KIFAP3: variants seen among roughly 807,000 people sequenced by gnomAD.
The protein encoded by KIFAP3 is kinesin-associated protein 3.
In KIFAP3, 68 loss-of-function variants were observed where a neutral mutation model predicts 106.5. That is an observed-to-expected ratio of 0.64 (90% CI 0.53 to 0.78). The LOEUF is 0.78. KIFAP3 is among the 30% of genes least tolerant of loss of function. The probability of loss-of-function intolerance (pLI) is 0.00; values close to 1 mark genes in which losing one functional copy is unlikely to be tolerated. For synonymous variants in KIFAP3, 320 were observed against 311.5 expected (o/e 1.03, Z -0.29); for missense variants, 780 against 941.8 (o/e 0.83, Z 2.25).
chr1:169,987,435 C>T (rs1376908637), intron 11 of KIFAP3, among the ~76,000 whole-genome samples: 1 of 152,014 alleles, frequency 6.6e-6, no homozygotes, highest in Admixed American at 6.6e-5. Flanking sequence ...ACCCCCACAG[C>T]TCTCTGTATT....
chr1:170,037,065 T>C (rs1192006377), intron 5 of KIFAP3, among the ~76,000 whole-genome samples: 3 of 152,140 alleles, frequency 2.0e-5, no homozygotes, highest in Admixed American at 6.5e-5. Flanking sequence ...TATTCTAAAG[T>C]TCAAATCAAA....
intron 11 of KIFAP3, among the ~76,000 whole-genome samples, chr1:169,986,834 T>C (rs1190683292): frequency 1.3e-5 from 2 of 152,046 alleles, no homozygotes; most frequent in African/African-American, 4.8e-5. Flanking sequence ...GTATGAAAAT[T>C]AGCCTTAAAC....
chr1:169,950,547 A>G (rs1266675582), intron 19 of KIFAP3, among the ~76,000 whole-genome samples: 1 of 152,100 alleles, frequency 6.6e-6, no homozygotes, highest in Non-Finnish European at 1.5e-5. Context: ...TCTTTTTAAG[A>G]TATTTAGAGA....
At chr1:170,027,770 T>A (rs183727282) in intron 8 of KIFAP3, among the ~76,000 whole-genome samples, 1 of 152,048 alleles carries the variant, frequency 6.6e-6, no homozygotes, top group Non-Finnish European at 1.5e-5. Context: ...TTTCCAAATT[T>A]AGTGAAAATT....
chr1:170,007,202 T>G (rs1668009578), intron 10 of KIFAP3, among the ~76,000 whole-genome samples: 1 of 150,312 alleles, frequency 6.7e-6, no homozygotes, highest in East Asian at 2.0e-4. Flanking sequence ...GTGTGGGAGG[T>G]GAAGGGTGGG....
chr1:170,069,212 A>C (rs1253083921), intron 1 of KIFAP3, among the ~76,000 whole-genome samples: 1 of 152,180 alleles, frequency 6.6e-6, no homozygotes, highest in Non-Finnish European at 1.5e-5. Flanking sequence ...AGGTGATTGA[A>C]TCAGTAATCA....
intron 19 of KIFAP3, among the ~76,000 whole-genome samples, chr1:169,932,784 T>A (rs923362052): frequency 1.3e-5 from 2 of 151,836 alleles, no homozygotes; most frequent in Non-Finnish European, 2.9e-5. Context: ...GGGAACATTT[T>A]GGAATAGTTT....
intron 10 of KIFAP3, among the ~76,000 whole-genome samples, chr1:170,000,319 T>C (rs1227997012): frequency 6.6e-6 from 1 of 152,146 alleles, no homozygotes; most frequent in African/African-American, 2.4e-5. Context: ...CTCCCTTTGA[T>C]GTCACAGAGG....
intron 17 of KIFAP3, among the ~76,000 whole-genome samples, chr1:169,966,194 TC>T (rs1665606224): frequency 6.6e-6 from 1 of 151,816 alleles, no homozygotes; most frequent in African/African-American, 2.4e-5. Flanking sequence ...GTTTACAGGA[TC>T]ACAGTAAAAA....
chr1:169,978,780 T>C lies in KIFAP3; in HGVS notation c.1799-597A>G, dbSNP rs553893246. Among the ~76,000 whole-genome samples, 142 of 152,228 alleles carry C rather than the reference T, an allele frequency of 9.3e-4. 1 individual carries two copies. The highest frequency in any genetic ancestry group is 1.7e-3 in the Non-Finnish European group (118 of 67,968). On this transcript the variant is annotated intron_variant, in intron 15 of 19. Transcript: ENST00000361580. ...AATTAGATTTAATAGTATAGTTTGC[T>C]ATCAACTCTTGGTAAAAGTTCAATG...
At chr1:169,924,803 T>C (rs186034987) in intron 19 of KIFAP3, among the ~76,000 whole-genome samples, 154 of 152,316 alleles carry the variant, frequency 1.0e-3, no homozygotes, top group African/African-American at 3.2e-3. Context: ...CAGAAGCAGA[T>C]AGATTCTTCA....
chr1:169,944,405 G>A (rs1279300369), intron 19 of KIFAP3, among the ~76,000 whole-genome samples: 1 of 152,204 alleles, frequency 6.6e-6, no homozygotes, highest in Non-Finnish European at 1.5e-5. Context: ...GAGAAACTGG[G>A]AACCGCAGAG....
At chr1:170,004,063 A>G (rs1453270999) in intron 10 of KIFAP3, among the ~76,000 whole-genome samples, 2 of 152,270 alleles carry the variant, frequency 1.3e-5, no homozygotes, top group East Asian at 1.9e-4. Flanking sequence ...TTATACACCA[A>G]TAACAGACAG....
intron 15 of KIFAP3, among the ~76,000 whole-genome samples, chr1:169,980,083 T>C (rs1666435646): frequency 6.6e-6 from 1 of 152,078 alleles, no homozygotes; most frequent in South Asian, 2.1e-4. Flanking sequence ...AAACTATCTT[T>C]TGTTCAAACT....
chr1:169,998,381 GATAT>G (rs67634163), intron 10 of KIFAP3, among the ~76,000 whole-genome samples: 46,876 of 136,220 alleles, frequency 0.34, 8,576 homozygotes, highest in Non-Finnish European at 0.41. Context: ...TGCTTCACCA[GATAT>G]ATATATATAT....
chr1:170,040,769 T>C (rs557494247), intron 3 of KIFAP3, among the ~76,000 whole-genome samples: 1 of 152,232 alleles, frequency 6.6e-6, no homozygotes, highest in Admixed American at 6.5e-5. Flanking sequence ...CTTATCTACG[T>C]AGTACTTAAC....
intron 16 of KIFAP3, 96 bp downstream of exon 16, chr1:169,977,989 G>C: frequency 1.3e-6 from 1 of 748,150 alleles, no homozygotes; most frequent in Non-Finnish European, 2.1e-6. Context: ...TGTTTTCTAC[G>C]TTATTTCAAC....
chr1:169,949,146 GA>G (rs1245312480), intron 19 of KIFAP3, among the ~76,000 whole-genome samples: 2 of 149,778 alleles, frequency 1.3e-5, no homozygotes, highest in African/African-American at 2.5e-5. Context: ...TTTAATATTT[GA>G]AAAAAAAGAG....
intron 10 of KIFAP3, among the ~76,000 whole-genome samples, chr1:169,992,706 TA>T (rs1448901227): frequency 6.6e-6 from 1 of 152,042 alleles, no homozygotes; most frequent in Non-Finnish European, 1.5e-5. Context: ...AAGTAGTAGT[TA>T]TAACAAAAAA....
Sources: allele counts gnomAD v4.1 joint callset (sites outside exome capture counted in the v4.1 genomes callset), GRCh38; gene constraint gnomAD v4.1.1; transcripts MANE v1.5; gene names NCBI Gene and HGNC (gene_info 2026-07-23, HGNC 2026-07-21).